Variants in CNTRL observed in about 807,000 individuals in gnomAD.
The protein encoded by CNTRL is centriolin.
In CNTRL, 233 loss-of-function variants were observed where a neutral mutation model predicts 303.7. That is an observed-to-expected ratio of 0.77 (90% CI 0.69 to 0.86). The LOEUF (loss-of-function observed/expected upper bound fraction) is 0.86. Ranked by LOEUF, CNTRL falls within the 40% of genes least tolerant of loss-of-function variation. CNTRL has a pLI of 0.00. For synonymous variants in CNTRL, 900 were observed against 922.2 expected (o/e 0.98, Z 0.44); for missense variants, 2,524 against 2,650.6 (o/e 0.95, Z 1.05).
chr9:121,103,926 TGGG>T (rs1431928367), intron 7 of CNTRL, among the ~76,000 whole-genome samples: 2 of 152,186 alleles, frequency 1.3e-5, no homozygotes, highest in Non-Finnish European at 2.9e-5. Flanking sequence ...ACACTGTTGG[TGGG>T]AGTGTAAACT....
Position 121,107,837 on chromosome 9 carries a change from A to G in CNTRL, c.844A>G (p.Lys282Glu). The part of the protein sequence containing the change: ...VERLERDLEK[K>E]MIETEELKSK... ...AAGACTGGAAAGAGACCTAGAAAAAAAGATGATAGAAACTGAAGAGCTTAA... is the reference window on the plus strand; with the variant it reads ...AAGACTGGAAAGAGACCTAGAAAAAGAGATGATAGAAACTGAAGAGCTTAA... The change falls in exon 8 of 44, where the codon AAG becomes GAG. Residue 282 changes from lysine to glutamate, a missense_variant. By Grantham distance (56) the Lys-to-Glu change is moderately conservative. Coordinates refer to ENST00000373855, the MANE Select transcript of CNTRL (RefSeq NM_007018.6). The G allele has an allele frequency of 1.3e-6, 2 of 1,590,842 alleles. No individual in the cohort carries two copies. Among genetic ancestry groups the G allele is most frequent in the Admixed American group, 1.9e-5 (1 of 53,342 alleles).
intron 26 of CNTRL, among the ~76,000 whole-genome samples, chr9:121,154,128 AG>A (rs1327223319): frequency 6.6e-6 from 1 of 152,252 alleles, no homozygotes; most frequent in Non-Finnish European, 1.5e-5. Flanking sequence ...CTTCATTTAA[AG>A]ATAATCTGTT....
rs2053169914 is a variant in CNTRL at position 121,168,253 on chromosome 9, A to G, written c.6002A>G (p.Glu2001Gly). 6.2e-7 allele frequency: 1 copy of G among 1,614,162 alleles called. No individual in the cohort carries two copies. The highest frequency in any genetic ancestry group is 8.5e-7 in the Non-Finnish European group (1 of 1,180,014). ...CTCTCAAAGGTGCTGGCAGCTGAAG[A>G]GCGTGTTAGGACTCTGCAGGAAGAG... is the stretch of plus-strand genomic sequence containing the variant. ...QVLSKVLAAE[E>G]RVRTLQEEER... The change falls in exon 38 of 44, where the codon GAG becomes GGG. Residue 2001 changes from glutamate to glycine, a missense_variant. Transcript: ENST00000373855.
chr9:121,075,187 G>A, intron 1 of CNTRL, 120 bp downstream of exon 1: 2 of 339,730 alleles, frequency 5.9e-6, no homozygotes, highest in South Asian at 2.2e-5. Context: ...ATGGATTCGG[G>A]GCGGGGGCGC....
At chr9:121,173,156 C>A in intron 40 of CNTRL, 87 bp from the exon 41 acceptor site, 9 of 1,227,206 alleles carry the variant, frequency 7.3e-6, no homozygotes, top group Non-Finnish European at 7.9e-6. Flanking sequence ...ATTTATAGAT[C>A]TTTAAATACA....
At chr9:121,146,278 G>C in intron 23 of CNTRL, 22 bp downstream of exon 23, 1 of 1,587,798 alleles carries the variant, frequency 6.3e-7, no homozygotes. Context: ...GTGGTGTTGG[G>C]AATGTATACT....
rs575445995 is a variant in CNTRL at position 121,142,020 on chromosome 9, A to T, written c.2692-71A>T. 1,277 of 1,285,472 alleles carry T rather than the reference A, an allele frequency of 9.9e-4. 5 individuals carry two copies. Among genetic ancestry groups the T allele is most frequent in the Non-Finnish European group, 1.3e-3 (1,239 of 948,950 alleles). The allele number at this position is 1,285,472 out of a possible 1,614,324, so 79.6% of individuals were successfully genotyped here. Reference sequence around the variant, plus strand: ...CTGTTGTAAAATGGGTGATAATTCTATAAAAAGTTTTTATTTTGCTTAAAA... The same window carrying T: ...CTGTTGTAAAATGGGTGATAATTCTTTAAAAAGTTTTTATTTTGCTTAAAA... On this transcript the variant is annotated intron_variant, in intron 18 of 43. Coordinates refer to ENST00000373855, the MANE Select transcript of CNTRL (RefSeq NM_007018.6).
rs377464308 is a variant in CNTRL at position 121,172,533 on chromosome 9, C to T, written c.6418-710C>T. Among the ~76,000 whole-genome samples, 67 of 152,098 alleles carry T rather than the reference C, an allele frequency of 4.4e-4. 1 individual carries two copies. The highest frequency in any genetic ancestry group is 1.5e-3 in the African/African-American group (63 of 41,466). The stretch of plus-strand genomic sequence containing the variant: ...GTGTACACCTGTAGTCCCAGCTATT[C>T]GGGAGGCTGAGGGGGGAGGATTGCT... On this transcript the variant is annotated intron_variant, in intron 40 of 43. Transcript: ENST00000373855.
chr9:121,148,419 C>T (rs2052007956), intron 23 of CNTRL, among the ~76,000 whole-genome samples: 1 of 152,206 alleles, frequency 6.6e-6, no homozygotes, highest in African/African-American at 2.4e-5. Context: ...CATAGCCCTC[C>T]TTTCTGCATG....
chr9:121,124,468 GATTTAAACTGCGACAT>G (rs2050394456), intron 13 of CNTRL, among the ~76,000 whole-genome samples: 1 of 152,188 alleles, frequency 6.6e-6, no homozygotes, highest in African/African-American at 2.4e-5. Flanking sequence ...TTGCAATGCT[GATTTAAACTGCGACAT>G]ATCCATAATA....
At chr9:121,156,239 T>C (rs1230231965) in intron 27 of CNTRL, among the ~76,000 whole-genome samples, 1 of 151,936 alleles carries the variant, frequency 6.6e-6, no homozygotes, top group African/African-American at 2.4e-5. Context: ...CAAAAGAAAA[T>C]TGATGGCAGT....
In CNTRL at chr9:121,088,358, C is replaced by A; in HGVS notation, c.32C>A (p.Ser11Tyr). MKKGSQQKIF[S>Y]KAKIPSSSHS... ...AAAGGTTCTCAACAAAAAATATTCTCCAAAGCAAAGATACCATCATCATCT... is the reference window on the plus strand; with the variant it reads ...AAAGGTTCTCAACAAAAAATATTCTACAAAGCAAAGATACCATCATCATCT... The change falls in exon 3 of 44, where the codon TCC becomes TAC. Residue 11 changes from serine to tyrosine, a missense_variant. By Grantham distance (144) the Ser-to-Tyr change is moderately radical. Coordinates refer to ENST00000373855, the MANE Select transcript of CNTRL (RefSeq NM_007018.6). 2 of 1,613,322 alleles carry A rather than the reference C, an allele frequency of 1.2e-6. No individual in the cohort carries two copies.
intron 14 of CNTRL, among the ~76,000 whole-genome samples, chr9:121,133,438 G>A (rs1344714637): frequency 6.6e-6 from 1 of 152,262 alleles, no homozygotes; most frequent in African/African-American, 2.4e-5. Flanking sequence ...GTGAGCATGG[G>A]ACCTGCTGAG....
chr9:121,151,516 A>G (rs1316551729), intron 25 of CNTRL, among the ~76,000 whole-genome samples: 1 of 148,396 alleles, frequency 6.7e-6, no homozygotes, highest in Admixed American at 6.8e-5. Flanking sequence ...TCAGCCTCCC[A>G]AGTAGCTGGG....
intron 7 of CNTRL, among the ~76,000 whole-genome samples, 194 bp downstream of exon 7, chr9:121,098,766 A>G (rs964338467): frequency 1.3e-5 from 2 of 152,000 alleles, no homozygotes; most frequent in Admixed American, 6.6e-5. Flanking sequence ...CTAAGGATAC[A>G]ATGGGAAGGA....
Position 121,173,521 on chromosome 9 carries a change from T to C in CNTRL, c.6684+12T>C. The C allele has an allele frequency of 6.2e-7, 1 of 1,612,212 alleles. No homozygotes were observed. The highest frequency in any genetic ancestry group is 8.5e-7 in the Non-Finnish European group (1 of 1,178,908). On this transcript the variant is annotated intron_variant, in intron 41 of 43. Transcript: ENST00000373855. Reference sequence around the variant, plus strand: ...AAGTTCACATAATGGTAAGGGTTTATCCTGCTATTCTCTGGGTTCGTAGGA... The same window carrying C: ...AAGTTCACATAATGGTAAGGGTTTACCCTGCTATTCTCTGGGTTCGTAGGA...
rs2048823403 is a variant in CNTRL at position 121,094,871 on chromosome 9, C to T, written c.349-17C>T. 6.6e-7 allele frequency: 1 copy of T among 1,516,296 alleles called. No homozygotes were observed. The highest frequency in any genetic ancestry group is 1.4e-5 in the African/African-American group (1 of 71,774). The allele number at this position is 1,516,296 out of a possible 1,614,324, so 93.9% of individuals were successfully genotyped here. On this transcript the variant is annotated splice_polypyrimidine_tract_variant and intron_variant, in intron 4 of 43. Transcript: ENST00000373855. ...TCATCTGTTGTGTAAAGTATTCATT[C>T]ATTTGTTTCCAATTAGTATATTGAG...
At chr9:121,152,281 G>T (rs956300412) in intron 25 of CNTRL, 12 of 553,574 alleles carry the variant, frequency 2.2e-5, no homozygotes, top group Non-Finnish European at 3.2e-5. Flanking sequence ...AGTCATAGTT[G>T]GACTGTTTGA....
At chr9:121,090,238 T>G in intron 3 of CNTRL, 37 bp from the exon 4 acceptor site, 1 of 1,545,416 alleles carries the variant, frequency 6.5e-7, no homozygotes. Flanking sequence ...ATTCATGTCT[T>G]TCCTCTACTG....
Sources: gnomAD v4.1 joint callset for allele counts (sites outside exome capture counted in the v4.1 genomes callset) on GRCh38, gnomAD v4.1.1 for gene constraint, MANE v1.5 for transcripts, NCBI Gene and HGNC (gene_info 2026-07-23, HGNC 2026-07-21) for gene names.